The following MACROD2 variants were observed in gnomAD, a reference collection of about 807,000 sequenced individuals.
MACROD2 encodes the protein ADP-ribose glycohydrolase MACROD2.
A neutral mutation model predicts 70.4 loss-of-function variants in MACROD2; 36 were observed. The observed-to-expected ratio is 0.51, with a 90% confidence interval of 0.39 to 0.68. MACROD2 has a LOEUF of 0.68. MACROD2 is among the 30% of genes least tolerant of loss of function. The probability of loss-of-function intolerance (pLI) is 0.00; values close to 1 mark genes in which losing one functional copy is unlikely to be tolerated. For missense variants in MACROD2, 496 were observed against 538.4 expected (o/e 0.92, Z 0.78); for synonymous variants, 172 against 178.8 (o/e 0.96, Z 0.30).
intron 7 of MACROD2, among the ~76,000 whole-genome samples, chr20:15,480,306 A>G (rs940233353): frequency 6.6e-6 from 1 of 151,894 alleles, no homozygotes; most frequent in African/African-American, 2.4e-5. Flanking sequence ...CCGCTTCTTA[A>G]CTCTTCGCTC....
intron 6 of MACROD2, among the ~76,000 whole-genome samples, chr20:15,263,944 G>GT (rs1368821582): frequency 6.6e-6 from 1 of 151,988 alleles, no homozygotes; most frequent in African/African-American, 2.4e-5. Flanking sequence ...GGAATCTTTA[G>GT]TTTTTTCCAA....
At chr20:14,198,839 A>T (rs1487678315) in intron 3 of MACROD2, among the ~76,000 whole-genome samples, 2 of 152,192 alleles carry the variant, frequency 1.3e-5, no homozygotes, top group African/African-American at 4.8e-5. Flanking sequence ...AATAATCTAA[A>T]TGAGCATTTT....
intron 4 of MACROD2, among the ~76,000 whole-genome samples, chr20:14,618,958 A>C (rs549967886): frequency 6.8e-4 from 104 of 152,114 alleles, no homozygotes; most frequent in Non-Finnish European, 1.3e-3. Flanking sequence ...ATTTAATTAA[A>C]AAATACTTCT....
intron 10 of MACROD2, among the ~76,000 whole-genome samples, chr20:15,916,777 G>A (rs2065322863): frequency 6.6e-6 from 1 of 152,230 alleles, no homozygotes. Flanking sequence ...GGCAGTTGGA[G>A]GTTATCTTAA....
intron 4 of MACROD2, among the ~76,000 whole-genome samples, chr20:14,640,451 T>G (rs1421429206): frequency 6.6e-6 from 1 of 152,190 alleles, no homozygotes; most frequent in Non-Finnish European, 1.5e-5. Context: ...TCCCTGAGGA[T>G]GCAGACATAT....
intron 4 of MACROD2, among the ~76,000 whole-genome samples, chr20:14,609,764 C>T (rs781476911): frequency 9.2e-5 from 14 of 152,212 alleles, no homozygotes; most frequent in Non-Finnish European, 1.6e-4. Flanking sequence ...CATCTTGCTT[C>T]ATCTGCTGTG....
intron 13 of MACROD2, among the ~76,000 whole-genome samples, chr20:15,977,610 A>G (rs1475892383): frequency 6.6e-6 from 1 of 152,218 alleles, no homozygotes; most frequent in Non-Finnish European, 1.5e-5. Flanking sequence ...ATAGACATTG[A>G]TTGATGACTT....
chr20:15,121,240 A>C (rs1406211062), intron 5 of MACROD2, among the ~76,000 whole-genome samples: 1 of 152,192 alleles, frequency 6.6e-6, no homozygotes, highest in Non-Finnish European at 1.5e-5. Flanking sequence ...GGCTGGGCTC[A>C]GTGGCTCACG....
intron 5 of MACROD2, among the ~76,000 whole-genome samples, chr20:14,836,876 A>G (rs2073035469): frequency 6.6e-6 from 1 of 152,112 alleles, no homozygotes; most frequent in African/African-American, 2.4e-5. Context: ...ATCTGAACAT[A>G]TGCCAATTGA....
At chr20:15,900,237 T>C (rs899978643) in intron 10 of MACROD2, among the ~76,000 whole-genome samples, 7 of 152,194 alleles carry the variant, frequency 4.6e-5, no homozygotes, top group Admixed American at 4.6e-4. Flanking sequence ...GACCAGCTTT[T>C]AACAAAATAA....
intron 3 of MACROD2, 112 bp from the exon 4 acceptor site, chr20:14,493,367 T>A: frequency 1.4e-6 from 1 of 707,146 alleles, no homozygotes; most frequent in Non-Finnish European, 2.3e-6. Flanking sequence ...TTTGTGTTTA[T>A]GTATGTATAT....
chr20:14,060,744 G>A (rs2053682394), intron 2 of MACROD2, among the ~76,000 whole-genome samples: 1 of 152,114 alleles, frequency 6.6e-6, no homozygotes, highest in Non-Finnish European at 1.5e-5. Flanking sequence ...TGGCTTTGTA[G>A]TTTCTTTTAA....
intron 5 of MACROD2, among the ~76,000 whole-genome samples, chr20:14,795,884 T>C (rs997691745): frequency 1.3e-5 from 2 of 151,884 alleles, no homozygotes; most frequent in Admixed American, 6.6e-5. Context: ...GGAGAGACGA[T>C]TGGTGCATGA....
chr20:15,109,261 G>A (rs372979099), intron 5 of MACROD2, among the ~76,000 whole-genome samples: 36 of 152,290 alleles, frequency 2.4e-4, no homozygotes, highest in East Asian at 1.2e-3. Flanking sequence ...GATGTTCACC[G>A]TGAGGAACTC....
chr20:15,192,580 G>T (rs73258888), intron 5 of MACROD2, among the ~76,000 whole-genome samples: 4,544 of 152,200 alleles, frequency 0.03, 137 homozygotes, highest in Middle Eastern at 0.075. Flanking sequence ...CCAGTGCCAG[G>T]CATCCTGCTA....
At chr20:15,469,934 C>G (rs897831019) in intron 7 of MACROD2, among the ~76,000 whole-genome samples, 4 of 152,288 alleles carry the variant, frequency 2.6e-5, no homozygotes, top group Admixed American at 2.6e-4. Flanking sequence ...GCAATTTGCT[C>G]TAGGCCTCAC....
intron 8 of MACROD2, among the ~76,000 whole-genome samples, chr20:15,648,631 G>A (rs2049590037): frequency 1.3e-5 from 2 of 152,100 alleles, no homozygotes; most frequent in South Asian, 2.1e-4. Context: ...TTTCTCACGC[G>A]ACAGTGTTTG....
At chr20:15,247,366 T>G (rs564656731) in intron 6 of MACROD2, among the ~76,000 whole-genome samples, 1 of 152,308 alleles carries the variant, frequency 6.6e-6, no homozygotes, top group Non-Finnish European at 1.5e-5. Flanking sequence ...AAAGAGAGTT[T>G]GCATGAAAAG....
At chr20:14,821,861 G>T (rs1380000191) in intron 5 of MACROD2, among the ~76,000 whole-genome samples, 1 of 152,068 alleles carries the variant, frequency 6.6e-6, no homozygotes, top group Non-Finnish European at 1.5e-5. Context: ...AAGCCTGCCA[G>T]TGTATACTTA....
Sources: allele counts gnomAD v4.1 joint callset (sites outside exome capture counted in the v4.1 genomes callset), GRCh38; gene constraint gnomAD v4.1.1; transcripts MANE v1.5; gene names NCBI Gene and HGNC (gene_info 2026-07-23, HGNC 2026-07-21).